The following DHFR2 variants were observed in gnomAD, a reference collection of about 807,000 sequenced individuals.
The protein encoded by DHFR2 is dihydrofolate reductase 2.
DHFR2 carries 11 observed loss-of-function variants against 12.0 expected under a neutral mutation model. That is an observed-to-expected ratio of 0.92 (90% CI 0.58 to 1.52). The LOEUF (loss-of-function observed/expected upper bound fraction) is 1.52, where lower values mean the gene tolerates loss of function less well. Among genes scored for constraint, DHFR2 ranks in the 40% most tolerant of loss-of-function variants. The probability of loss-of-function intolerance (pLI) is 0.00; values close to 1 mark genes in which losing one functional copy is unlikely to be tolerated. For missense variants in DHFR2, 188 were observed against 221.2 expected (o/e 0.85, Z 0.95); for synonymous variants, 87 against 79.6 (o/e 1.09, Z -0.49).
Position 94,059,604 on chromosome 3 carries a change from C to A in DHFR2, c.*1344G>T, listed in dbSNP as rs979881983. On this transcript the variant is annotated 3_prime_UTR_variant, in exon 2 of 2. Transcript: ENST00000314636. The stretch of plus-strand genomic sequence containing the variant: ...CATCAGAATATCCTGCTACTTCCAA[C>A]TTTAAAATATATCTTAAATCACAAT... The A allele has an allele frequency of 6.6e-6, 1 of 152,216 alleles. No individual in the cohort carries two copies. The highest frequency in any genetic ancestry group is 1.5e-5 in the Non-Finnish European group (1 of 68,054). 9.4% of individuals were successfully genotyped at this position (152,216 alleles called of 1,614,324 possible).
At position 94,058,387 on chromosome 3, in the gene DHFR2, C is replaced by T. The variant is rs933586571; in HGVS notation, c.*2561G>A. ...GTCCCCTGCCCCATCCCTCCTAATT[C>T]TCTGGAGCAATGACTTCTAACTCTT... On this transcript the variant is annotated 3_prime_UTR_variant, in exon 2 of 2. Transcript: ENST00000314636. The T allele has an allele frequency of 6.6e-6, 1 of 152,280 alleles. No individual in the cohort carries two copies. Among genetic ancestry groups the T allele is most frequent in the African/African-American group, 2.4e-5 (1 of 41,562 alleles). The allele number at this position is 152,280 out of a possible 1,614,324, so 9.4% of individuals were successfully genotyped here. A position where few individuals can be genotyped will look rare whatever the true frequency, so the allele number is the denominator to read the frequency against.
Position 94,061,452 on chromosome 3 carries a change from G to C in DHFR2, c.60C>G (p.Asn20Lys), listed in dbSNP as rs199508022. 6.2e-7 allele frequency: 1 copy of C among 1,614,144 alleles called. No homozygotes were observed. Among genetic ancestry groups the C allele is most frequent in the Admixed American group, 1.7e-5 (1 of 60,022 alleles). ...AVSQNMGIGK[N>K]GDLPRPPLRN... ...TGAGCGGCGGCCTGGGCAGGTCCCC[G>C]TTCTTGCCGATGCCCATGTTTTGGG... is the stretch of plus-strand genomic sequence containing the variant. The change falls in exon 2 of 2, where the codon AAC becomes AAG. Residue 20 changes from asparagine to lysine, a missense_variant. Coordinates refer to ENST00000314636, the MANE Select transcript of DHFR2 (RefSeq NM_176815.5).
Position 94,061,576 on chromosome 3 carries a change from G to T in DHFR2, c.-65C>A. The T allele has an allele frequency of 6.3e-7, 1 of 1,596,962 alleles. No homozygotes were observed. The highest frequency in any genetic ancestry group is 1.1e-5 in the South Asian group (1 of 89,362). ...CAGGAAGCCAGGCCAAGAATGCCGC[G>T]AAATTCCCTTCTTCAAATTTTTTTA... On this transcript the variant is annotated 5_prime_UTR_variant, in exon 2 of 2. Transcript: ENST00000314636.
In DHFR2 at chr3:94,060,795, C is replaced by A; in HGVS notation, c.*153G>T. On this transcript the variant is annotated 3_prime_UTR_variant, in exon 2 of 2. Coordinates refer to ENST00000314636, the MANE Select transcript of DHFR2 (RefSeq NM_176815.5). Reference sequence around the variant, plus strand: ...AGCAAGAATGTTTCATAAATGGTATCTGATATAGCCAAGATTAGTGAGGAA... The same window carrying A: ...AGCAAGAATGTTTCATAAATGGTATATGATATAGCCAAGATTAGTGAGGAA... 3.5e-6 allele frequency: 3 copies of A among 862,750 alleles called. No individual in the cohort carries two copies. Among genetic ancestry groups the A allele is most frequent in the Non-Finnish European group, 5.2e-6 (3 of 572,678 alleles). 53.4% of individuals were successfully genotyped at this position (862,750 alleles called of 1,614,324 possible). A position where few individuals can be genotyped will look rare whatever the true frequency, so the allele number is the denominator to read the frequency against.
chr3:94,057,924 C>A lies in DHFR2; in HGVS notation c.*3024G>T, dbSNP rs936933756. Reference sequence around the variant, plus strand: ...GATTATTAGAGATTCAGACAAAATTCATAAGCAAAGTTGTTTATTTAAAAT... The same window carrying A: ...GATTATTAGAGATTCAGACAAAATTAATAAGCAAAGTTGTTTATTTAAAAT... On this transcript the variant is annotated 3_prime_UTR_variant, in exon 2 of 2. Transcript: ENST00000314636. 1 of 152,082 alleles carries A rather than the reference C, an allele frequency of 6.6e-6. No individual in the cohort carries two copies. Among genetic ancestry groups the A allele is most frequent in the Non-Finnish European group, 1.5e-5 (1 of 67,990 alleles). The allele number at this position is 152,082 out of a possible 1,614,324, so 9.4% of individuals were successfully genotyped here.
rs192090768 is a variant in DHFR2 at position 94,062,779 on chromosome 3, G to A, written c.-129C>T. On this transcript the variant is annotated 5_prime_UTR_variant, in exon 1 of 2. Coordinates refer to ENST00000314636, the MANE Select transcript of DHFR2 (RefSeq NM_176815.5). Reference sequence around the variant, plus strand: ...CCGCAGAAGCAGGGGCCGCACAGGCGCGCAGATGTGTGACTTTCTAAGGTC... The same window carrying A: ...CCGCAGAAGCAGGGGCCGCACAGGCACGCAGATGTGTGACTTTCTAAGGTC... 0.012 allele frequency: 3,682 copies of A among 300,770 alleles called. 93 individuals carry two copies. The highest frequency in any genetic ancestry group is 0.059 in the African/African-American group (2,786 of 47,210). 18.6% of individuals were successfully genotyped at this position (300,770 alleles called of 1,614,324 possible).
rs757539418 is a variant in DHFR2 at position 94,061,489 on chromosome 3, A to T, written c.23T>A (p.Ile8Asn). MFLLLNCIVAVSQNMGIG... is the reference protein window; with the variant it reads MFLLLNCNVAVSQNMGIG... ...GCCCATGTTTTGGGACACAGCGACG[A>T]TGCAGTTTAGCAAAAGAAACATGAC... Residue 8 changes from isoleucine to asparagine, a missense_variant, in exon 2 of 2, where the codon ATC becomes AAC. Physicochemically the swap from Ile to Asn is moderately radical, Grantham distance 149 (BLOSUM62 -3). Coordinates refer to ENST00000314636, the MANE Select transcript of DHFR2 (RefSeq NM_176815.5). 1 of 1,614,042 alleles carries T rather than the reference A, an allele frequency of 6.2e-7. No homozygotes were observed. Among genetic ancestry groups the T allele is most frequent in the East Asian group, 2.2e-5 (1 of 44,874 alleles).
Position 94,061,590 on chromosome 3 carries a change from C to A in DHFR2, c.-79G>T, listed in dbSNP as rs550706146. ...AAGAATGCCGCGAAATTCCCTTCTT[C>A]AAATTTTTTTACGTGCCTACATTGC... On this transcript the variant is annotated 5_prime_UTR_variant, in exon 2 of 2. It introduces an in-frame stop codon into an upstream open reading frame of the 5' UTR. Coordinates refer to ENST00000314636, the MANE Select transcript of DHFR2 (RefSeq NM_176815.5). 10 of 1,588,654 alleles carry A rather than the reference C, an allele frequency of 6.3e-6. No homozygotes were observed. In the East Asian group the frequency reaches 1.8e-4, roughly 28 times the overall value.
rs547585163 is a variant in DHFR2, at chr3:94,058,900, G to C, written c.*2048C>G. The C allele has an allele frequency of 6.5e-6, 1 of 154,242 alleles. No individual in the cohort carries two copies. The highest frequency in any genetic ancestry group is 1.4e-5 in the Non-Finnish European group (1 of 69,620). 9.6% of individuals were successfully genotyped at this position (154,242 alleles called of 1,614,324 possible). Reference sequence around the variant, plus strand: ...TTTTGCTTAGCCTCCTGAGTAGCTGGGACTACAAGCATGGGCCATCCCACC... The same window carrying C: ...TTTTGCTTAGCCTCCTGAGTAGCTGCGACTACAAGCATGGGCCATCCCACC... On this transcript the variant is annotated 3_prime_UTR_variant, in exon 2 of 2. Transcript: ENST00000314636.
In DHFR2 at chr3:94,061,460, C is replaced by A. The variant is rs760250991; in HGVS notation, c.52G>T (p.Gly18Cys). The change falls in exon 2 of 2, where the codon GGC (glycine) becomes TGC (cysteine). Residue 18 changes from glycine to cysteine, a missense_variant. Coordinates refer to ENST00000314636, the MANE Select transcript of DHFR2 (RefSeq NM_176815.5). Reference protein sequence around the residue: ...IVAVSQNMGIGKNGDLPRPPL... With the variant: ...IVAVSQNMGICKNGDLPRPPL... Reference sequence around the variant, plus strand: ...GGCCTGGGCAGGTCCCCGTTCTTGCCGATGCCCATGTTTTGGGACACAGCG... The same window carrying A: ...GGCCTGGGCAGGTCCCCGTTCTTGCAGATGCCCATGTTTTGGGACACAGCG... The A allele has an allele frequency of 1.9e-5, 30 of 1,614,102 alleles. 1 individual carries two copies. In the South Asian group the frequency reaches 3.3e-4, roughly 18 times the overall value.
intron 1 of DHFR2, among the ~76,000 whole-genome samples, chr3:94,061,910 T>C (rs2077177621): frequency 6.6e-6 from 1 of 151,980 alleles, no homozygotes; most frequent in South Asian, 2.1e-4. Context: ...TTTAAATAAA[T>C]AAATATATTA....
In DHFR2 at chr3:94,060,662, C is replaced by A; in HGVS notation, c.*286G>T. 1.2e-5 allele frequency: 5 copies of A among 433,972 alleles called. No homozygotes were observed. The South Asian group carries it at 1.2e-4, about 11-fold the overall frequency. 26.9% of individuals were successfully genotyped at this position (433,972 alleles called of 1,614,324 possible). A position where few individuals can be genotyped will look rare whatever the true frequency, so the allele number is the denominator to read the frequency against. On this transcript the variant is annotated 3_prime_UTR_variant, in exon 2 of 2. Transcript: ENST00000314636. ...ATAAATACTACCAACATTAGAAAAG[C>A]CTGACAATGTCAAGGAGTGGCAAGA...
In DHFR2 at chr3:94,061,028, C is replaced by T; in HGVS notation, c.484G>A (p.Glu162Lys). 1 of 1,613,878 alleles carries T rather than the reference C, an allele frequency of 6.2e-7. No individual in the cohort carries two copies. Among genetic ancestry groups the T allele is most frequent in the Non-Finnish European group, 8.5e-7 (1 of 1,179,846 alleles). The change falls in exon 2 of 2, where the codon GAA (glutamate) becomes AAA (lysine). Residue 162 changes from glutamate to lysine, a missense_variant. Transcript: ENST00000314636. ...IDLEKYKLLP[E>K]YPGVLSDVQE... ...ACATCAGAGAGAACACCTGGGTATT[C>T]AGGCAGAAGTTTATATTTCTCCAAG... is the stretch of plus-strand genomic sequence containing the variant.
rs897269727 is a variant in DHFR2, at chr3:94,062,907, G to T, written c.-257C>A. The T allele has an allele frequency of 2.9e-5, 16 of 560,662 alleles. No homozygotes were observed. The East Asian group carries it at 4.6e-4, about 16-fold the overall frequency. The allele number at this position is 560,662 out of a possible 1,614,324, so 34.7% of individuals were successfully genotyped here. A position where few individuals can be genotyped will look rare whatever the true frequency, so the allele number is the denominator to read the frequency against. On this transcript the variant is annotated 5_prime_UTR_variant, in exon 1 of 2. Coordinates refer to ENST00000314636, the MANE Select transcript of DHFR2 (RefSeq NM_176815.5). ...GAAGTATCAGCCTTTACCAGCTACC[G>T]GAAGTAACTGCGCACGAAATCTCCC...
At position 94,060,043 on chromosome 3, in the gene DHFR2, T is replaced by G; in HGVS notation, c.*905A>C. ...TTGCACTCCGCCTGGGCAACAAGAGTGAAATTCTGTCTTAAAAAGAAAAAA... is the reference window on the plus strand; with the variant it reads ...TTGCACTCCGCCTGGGCAACAAGAGGGAAATTCTGTCTTAAAAAGAAAAAA... On this transcript the variant is annotated 3_prime_UTR_variant, in exon 2 of 2. Transcript: ENST00000314636. 6.8e-6 allele frequency: 1 copy of G among 148,088 alleles called. No homozygotes were observed. Among genetic ancestry groups the G allele is most frequent in the African/African-American group, 2.5e-5 (1 of 40,026 alleles). 9.2% of individuals were successfully genotyped at this position (148,088 alleles called of 1,614,324 possible). A position where few individuals can be genotyped will look rare whatever the true frequency, so the allele number is the denominator to read the frequency against.
In DHFR2 at chr3:94,062,891, G is replaced by C; in HGVS notation, c.-241C>G. 2 of 554,000 alleles carry C rather than the reference G, an allele frequency of 3.6e-6. No homozygotes were observed. Among genetic ancestry groups the C allele is most frequent in the Non-Finnish European group, 6.5e-6 (2 of 306,542 alleles). 34.3% of individuals were successfully genotyped at this position (554,000 alleles called of 1,614,324 possible). A position where few individuals can be genotyped will look rare whatever the true frequency, so the allele number is the denominator to read the frequency against. ...TACCTCCGCGTCCTGGGAAGTATCAGCCTTTACCAGCTACCGGAAGTAACT... is the reference window on the plus strand; with the variant it reads ...TACCTCCGCGTCCTGGGAAGTATCACCCTTTACCAGCTACCGGAAGTAACT... On this transcript the variant is annotated 5_prime_UTR_variant, in exon 1 of 2. Transcript: ENST00000314636.
At position 94,061,211 on chromosome 3, in the gene DHFR2, T is replaced by C. The variant is rs774670300; in HGVS notation, c.301A>G (p.Thr101Ala). 4 of 1,614,044 alleles carry C rather than the reference T, an allele frequency of 2.5e-6. No homozygotes were observed. Among genetic ancestry groups the C allele is most frequent in the Non-Finnish European group, 1.7e-6 (2 of 1,179,880 alleles). The change falls in exon 2 of 2, where the codon ACT (threonine) becomes GCT (alanine). Residue 101 changes from threonine to alanine, a missense_variant. Physicochemically the swap from Thr to Ala is moderately conservative, Grantham distance 58. Coordinates refer to ENST00000314636, the MANE Select transcript of DHFR2 (RefSeq NM_176815.5). ...TTATTTGCTAATTCTGGTCGTTCAG[T>C]AAGTTTTAAGGCATCATCCAAACTT... ...ARSLDDALKLTERPELANKVD... is the reference protein window; with the variant it reads ...ARSLDDALKLAERPELANKVD...
chr3:94,062,353 T>C (rs1376101815), intron 1 of DHFR2, among the ~76,000 whole-genome samples: 1 of 152,198 alleles, frequency 6.6e-6, no homozygotes, highest in African/African-American at 2.4e-5. Flanking sequence ...GTAACCGCTT[T>C]ACATGCCTAC....
intron 1 of DHFR2, among the ~76,000 whole-genome samples, chr3:94,061,915 A>G (rs1048675074): frequency 9.2e-5 from 14 of 152,096 alleles, no homozygotes; most frequent in Non-Finnish European, 1.6e-4. Flanking sequence ...ATAAATAAAT[A>G]TATTAAGCTT....
Sources: gnomAD v4.1 joint callset for allele counts (sites outside exome capture counted in the v4.1 genomes callset) on GRCh38, gnomAD v4.1.1 for gene constraint, MANE v1.5 for transcripts, NCBI Gene and HGNC (gene_info 2026-07-23, HGNC 2026-07-21) for gene names.